The following NOTCH1 variants were observed in gnomAD, a reference collection of about 807,000 sequenced individuals.
NOTCH1 encodes neurogenic locus notch homolog protein 1.
NOTCH1 carries 37 observed loss-of-function variants against 254.8 expected under a neutral mutation model. The observed-to-expected ratio is 0.15, with a 90% confidence interval of 0.11 to 0.19. The LOEUF (loss-of-function observed/expected upper bound fraction) is 0.19. Ranked by LOEUF, NOTCH1 falls within the 10% of genes least tolerant of loss-of-function variation. NOTCH1 has a pLI of 1.00. For missense variants in NOTCH1, 2,972 were observed against 3,708.6 expected (o/e 0.80, Z 5.16); for synonymous variants, 1,731 against 1,618.1 (o/e 1.07, Z -1.68).
At position 136,523,105 on chromosome 9, in the gene NOTCH1, T is replaced by C; in HGVS notation, c.487A>G (p.Ile163Val). 1 of 1,601,580 alleles carries C rather than the reference T, an allele frequency of 6.2e-7. No individual in the cohort carries two copies. Residue 163 changes from isoleucine to valine, a missense_variant, in exon 4 of 34, where the codon ATC (isoleucine) becomes GTC (valine). Ile to Val is a conservative substitution (Grantham distance 29, BLOSUM62 3). Coordinates refer to ENST00000651671, the MANE Select transcript of NOTCH1 (RefSeq NM_017617.5). ...GQCLPFEASYICHCPPSFHGP... is the reference protein window; with the variant it reads ...GQCLPFEASYVCHCPPSFHGP... ...TGGAAGCTGGGTGGGCAGTGGCAGA[T>C]GTAGGAGGCCTCGAAGGGCAGGCAC...
chr9:136,498,813 G>T (rs1842954239), intron 33 of NOTCH1, 86 bp downstream of exon 33: 2 of 1,487,052 alleles, frequency 1.3e-6, no homozygotes, highest in Non-Finnish European at 1.9e-6. Flanking sequence ...TCAGGCCCTT[G>T]TGTCCCTGCG....
At chr9:136,512,242 C>T (rs373278428) in intron 15 of NOTCH1, among the ~76,000 whole-genome samples, 3 of 152,300 alleles carry the variant, frequency 2.0e-5, no homozygotes, top group East Asian at 1.9e-4. Context: ...TCCTTAACTT[C>T]GGTCAAAGAA....
intron 2 of NOTCH1, 49 bp downstream of exon 2, chr9:136,543,975 G>A (rs1843772027): frequency 6.6e-7 from 1 of 1,512,380 alleles, no homozygotes; most frequent in African/African-American, 1.4e-5. Flanking sequence ...GCAGAAGGCA[G>A]GGGCTCTGCC....
chr9:136,544,148 A>G (rs765847485), intron 1 of NOTCH1, 46 bp from the exon 2 acceptor site: 20 of 1,515,822 alleles, frequency 1.3e-5, no homozygotes, highest in Admixed American at 7.8e-5. Context: ...CCGCACCACC[A>G]CCACCGAAGG....
At chr9:136,528,775 T>C (rs1163478089) in intron 2 of NOTCH1, among the ~76,000 whole-genome samples, 3 of 152,046 alleles carry the variant, frequency 2.0e-5, no homozygotes, top group African/African-American at 4.8e-5. Flanking sequence ...CGGCCCACTG[T>C]CCTGCCACAG....
intron 15 of NOTCH1, among the ~76,000 whole-genome samples, chr9:136,511,844 C>T (rs1843186426): frequency 6.6e-6 from 1 of 152,238 alleles, no homozygotes; most frequent in Admixed American, 6.5e-5. Context: ...GGCCTGGAGA[C>T]CTCCAGGGCC....
At position 136,514,787 on chromosome 9, in the gene NOTCH1, C is replaced by T. The variant is rs113429760; in HGVS notation, c.2015-85G>A. The T allele has an allele frequency of 1.4e-4, 193 of 1,361,692 alleles. No homozygotes were observed. The African/African-American group carries it at 2.0e-3, about 14-fold the overall frequency. 84.4% of individuals were successfully genotyped at this position (1,361,692 alleles called of 1,614,324 possible). ...ACCTCGATTTCCCTGTCTGTTGAGCCGGGGCGATCACCCTTCTGGCCACAT... is the reference window on the plus strand; with the variant it reads ...ACCTCGATTTCCCTGTCTGTTGAGCTGGGGCGATCACCCTTCTGGCCACAT... On this transcript the variant is annotated intron_variant, in intron 12 of 33. Transcript: ENST00000651671.
chr9:136,506,259 G>C lies in NOTCH1; in HGVS notation c.4014+268C>G, dbSNP rs1843082804. 6.6e-6 allele frequency among the ~76,000 whole-genome samples: 1 copy of C among 152,124 alleles called. No individual in the cohort carries two copies. The highest frequency in any genetic ancestry group is 1.5e-5 in the Non-Finnish European group (1 of 68,026). On this transcript the variant is annotated intron_variant, in intron 24 of 33. Transcript: ENST00000651671. This position sits in a 1 kb window ranked among gnomAD's most constrained non-coding sequence, Gnocchi z 4.5. ...GGTAACAATGTATCACTGAAATCCAGAGTGAAATTGATGCAAGCTGCTAAC... is the reference window on the plus strand; with the variant it reads ...GGTAACAATGTATCACTGAAATCCACAGTGAAATTGATGCAAGCTGCTAAC...
chr9:136,498,390 T>G (rs1009942744), intron 33 of NOTCH1, among the ~76,000 whole-genome samples: 2 of 152,158 alleles, frequency 1.3e-5, no homozygotes, highest in African/African-American at 4.8e-5. Flanking sequence ...GTCCTGAGAC[T>G]TCTTCCTCTG....
chr9:136,517,664 G>A (rs1355006106), intron 8 of NOTCH1, 88 bp downstream of exon 8: 17 of 1,522,842 alleles, frequency 1.1e-5, no homozygotes, highest in Admixed American at 3.4e-5. Flanking sequence ...TGGGGAAAGC[G>A]GAAGCAACCC....
At position 136,507,030 on chromosome 9, in the gene NOTCH1, C is replaced by A. The variant is rs540732418; in HGVS notation, c.3644-57G>T. ...CCCGCCACACCCCGGCCCTGCCGTG[C>A]CGCGTGTCCGTCCCGGAAGACGAGC... is the stretch of plus-strand genomic sequence containing the variant. On this transcript the variant is annotated intron_variant, in intron 22 of 33. Coordinates refer to ENST00000651671, the MANE Select transcript of NOTCH1 (RefSeq NM_017617.5). 12 of 1,576,610 alleles carry A rather than the reference C, an allele frequency of 7.6e-6. No homozygotes were observed. In the East Asian group the frequency reaches 2.8e-4, roughly 37 times the overall value.
chr9:136,495,655 A>C lies in NOTCH1; in HGVS notation c.*416T>G. The C allele has an allele frequency of 9.8e-6, 4 of 408,308 alleles. No individual in the cohort carries two copies. The highest frequency in any genetic ancestry group is 1.7e-5 in the Non-Finnish European group (4 of 231,632). The allele number at this position is 408,308 out of a possible 1,614,324, so 25.3% of individuals were successfully genotyped here. A position where few individuals can be genotyped will look rare whatever the true frequency, so the allele number is the denominator to read the frequency against. The stretch of plus-strand genomic sequence containing the variant: ...GGACGCCCCAGGAGCTTTTTGGACT[A>C]TGCTCGTTCAACTTCCCTTCTCCAA... On this transcript the variant is annotated 3_prime_UTR_variant, in exon 34 of 34. Transcript: ENST00000651671.
intron 3 of NOTCH1, 86 bp from the exon 4 acceptor site, chr9:136,523,274 C>A: frequency 7.6e-7 from 1 of 1,317,168 alleles, no homozygotes; most frequent in Non-Finnish European, 1.1e-6. Context: ...CCTGGAGGTG[C>A]CAGCCTGGGC....
intron 2 of NOTCH1, among the ~76,000 whole-genome samples, chr9:136,534,019 G>C (rs1404657718): frequency 1.3e-5 from 2 of 152,254 alleles, no homozygotes; most frequent in African/African-American, 4.8e-5. Context: ...AGGAAGCTGG[G>C]AGCCACCGCC....
chr9:136,507,565 C>G, intron 21 of NOTCH1, 128 bp from the exon 22 acceptor site: 1 of 1,332,204 alleles, frequency 7.5e-7, no homozygotes, highest in East Asian at 2.5e-5. Context: ...CCACGGGCCC[C>G]TCGCTCCTGT....
rs755284419 is a variant in NOTCH1 at position 136,505,789 on chromosome 9, G to A, written c.4107C>T (p.Ser1369=). 6.3e-7 allele frequency: 1 copy of A among 1,583,956 alleles called. No homozygotes were observed. The highest frequency in any genetic ancestry group is 1.7e-5 in the Admixed American group (1 of 57,728). ...NGGTCISGPR[S]PTCLCLGPFT... ...AGGGGCCCAGGCACAGGCAGGTGGG[G>A]CTGCGCGGGCCGGAGATGCATGTGC... The change falls in exon 25 of 34, where the codon AGC becomes AGT. Residue 1369 remains serine (S), a synonymous_variant. Transcript: ENST00000651671.
intron 2 of NOTCH1, among the ~76,000 whole-genome samples, chr9:136,528,416 GCGGGGGGGATGGGCAGGGACGGTGA>G (rs1843505171): frequency 8.7e-4 from 4 of 4,622 alleles, no homozygotes; most frequent in African/African-American, 1.9e-3. Context: ...CAGGGACAGT[GCGGGGGGGATGGGCAGGGACGGTGA>G]GGGGGGGATG....
intron 3 of NOTCH1, 147 bp downstream of exon 3, chr9:136,523,570 A>AG: frequency 9.9e-7 from 1 of 1,010,538 alleles, no homozygotes; most frequent in Non-Finnish European, 1.4e-6. Context: ...CAGGTCTGGG[A>AG]GGGGGGCAGG....
At chr9:136,521,785 G>T (rs536764811) in intron 4 of NOTCH1, among the ~76,000 whole-genome samples, 1 of 152,252 alleles carries the variant, frequency 6.6e-6, no homozygotes, top group South Asian at 2.1e-4. Flanking sequence ...TGGGCAGCCA[G>T]GGAGCTTCCC....
Sources: allele counts gnomAD v4.1 joint callset (sites outside exome capture counted in the v4.1 genomes callset), GRCh38; gene constraint gnomAD v4.1.1; non-coding constraint Gnocchi (gnomAD v3.1); transcripts MANE v1.5; gene names NCBI Gene and HGNC (gene_info 2026-07-23, HGNC 2026-07-21).